BRWD1: variants seen among roughly 807,000 people sequenced by gnomAD.
BRWD1 encodes the protein bromodomain and WD repeat-containing protein 1.
A neutral mutation model predicts 251.2 loss-of-function variants in BRWD1; 82 were observed. The observed-to-expected ratio is 0.33, with a 90% CI of 0.27 to 0.39. The LOEUF (loss-of-function observed/expected upper bound fraction) is 0.39. BRWD1 is among the 10% of genes least tolerant of loss of function. The probability of loss-of-function intolerance (pLI) is 1.00; values close to 1 mark genes in which losing one functional copy is unlikely to be tolerated. For missense variants in BRWD1, 2,233 were observed against 2,711.6 expected (o/e 0.82, Z 3.92); for synonymous variants, 918 against 902.8 (o/e 1.02, Z -0.30).
At chr21:39,312,944 C>CGG in intron 3 of BRWD1, 44 bp from the exon 4 acceptor site, 2 of 622,820 alleles carry the variant, frequency 3.2e-6, no homozygotes, top group Middle Eastern at 6.3e-4. Flanking sequence ...CCCTCCGGCG[C>CGG]GGGGGGGGCG....
intron 9 of BRWD1, 41 bp from the exon 10 acceptor site, chr21:39,278,854 A>G: frequency 7.0e-7 from 1 of 1,431,232 alleles, no homozygotes; most frequent in Non-Finnish European, 9.6e-7. Flanking sequence ...AGATTATTTT[A>G]CCACATTAAC....
intron 8 of BRWD1, among the ~76,000 whole-genome samples, chr21:39,290,325 T>TA (rs2146735999): frequency 6.7e-6 from 1 of 149,974 alleles, no homozygotes; most frequent in East Asian, 2.0e-4. Flanking sequence ...CCATCTCTAC[T>TA]AAAAATACAA....
At chr21:39,213,396 G>T in intron 33 of BRWD1, 85 bp downstream of exon 33, 2 of 980,410 alleles carry the variant, frequency 2.0e-6, no homozygotes, top group Non-Finnish European at 3.1e-6. Context: ...TACAAGAGTT[G>T]GTACTACAAA....
chr21:39,242,549 C>G (rs191176271), intron 21 of BRWD1, among the ~76,000 whole-genome samples: 112 of 152,294 alleles, frequency 7.4e-4, no homozygotes, highest in Admixed American at 1.0e-3. Flanking sequence ...CTAAGATAAT[C>G]AAGGAAAGTG....
chr21:39,313,591 GC>G lies in BRWD1; in HGVS notation c.-101del, dbSNP rs1262426219. 2.2e-5 allele frequency: 6 copies of G among 275,304 alleles called. No homozygotes were observed. Among genetic ancestry groups the G allele is most frequent in the Non-Finnish European group, 3.0e-5 (6 of 202,644 alleles). 17.1% of individuals were successfully genotyped at this position (275,304 alleles called of 1,614,324 possible). A position where few individuals can be genotyped will look rare whatever the true frequency, so the allele number is the denominator to read the frequency against. On this transcript the variant is annotated 5_prime_UTR_variant, in exon 1 of 41. An upstream open reading frame in the 5' UTR loses its in-frame stop. Transcript: ENST00000342449. Reference sequence around the variant, plus strand: ...TGGCGTCCCCTCTTCTCAGGCGCGCGCCGCCGCCGCCGCCGCCGCCGCCATA... The same window carrying G: ...TGGCGTCCCCTCTTCTCAGGCGCGCGCGCCGCCGCCGCCGCCGCCGCCATA...
chr21:39,234,731 G>A (rs901588817), intron 23 of BRWD1, among the ~76,000 whole-genome samples: 51 of 152,100 alleles, frequency 3.4e-4, no homozygotes, highest in African/African-American at 1.2e-3. Context: ...AGAAAACTGG[G>A]CTAAACACGA....
chr21:39,264,427 TTA>T, intron 17 of BRWD1, 31 bp downstream of exon 17: 44 of 1,016,646 alleles, frequency 4.3e-5, no homozygotes, highest in Admixed American at 1.1e-4. Flanking sequence ...AAGTACAACT[TTA>T]AAAAAAAAAA....
chr21:39,201,409 A>G (rs11910576), intron 38 of BRWD1, among the ~76,000 whole-genome samples: 2,317 of 152,316 alleles, frequency 0.015, 57 homozygotes, highest in African/African-American at 0.053. Context: ...CTCAATAAGG[A>G]ACCCAGTTCA....
chr21:39,312,239 G>C (rs1305283702), intron 4 of BRWD1, among the ~76,000 whole-genome samples: 1 of 152,210 alleles, frequency 6.6e-6, no homozygotes, highest in Non-Finnish European at 1.5e-5. Flanking sequence ...TACAAGATCA[G>C]TGTGAAACTC....
At chr21:39,309,133 C>T (rs2036384188) in intron 4 of BRWD1, among the ~76,000 whole-genome samples, 1 of 151,988 alleles carries the variant, frequency 6.6e-6, no homozygotes, top group Non-Finnish European at 1.5e-5. Context: ...GAGATCACAC[C>T]ACTGCACTCC....
At position 39,192,228 on chromosome 21, in the gene BRWD1, A is replaced by G; in HGVS notation, c.*4031T>C. The G allele has an allele frequency of 1.0e-6, 1 of 980,680 alleles. No homozygotes were observed. The highest frequency in any genetic ancestry group is 1.2e-6 in the Non-Finnish European group (1 of 828,796). The allele number at this position is 980,680 out of a possible 1,614,324, so 60.7% of individuals were successfully genotyped here. ...GCCTTTAAAACTTAAAATCGTAAGA[A>G]AAGACAACACAGCCCTTAGCATTAC... On this transcript the variant is annotated 3_prime_UTR_variant, in exon 41 of 41. Coordinates refer to ENST00000342449, the MANE Select transcript of BRWD1 (RefSeq NM_033656.4).
upstream of BRWD1, chr21:39,315,958 C>G (rs574298291): frequency 7.9e-5 from 12 of 152,190 alleles, no homozygotes; most frequent in Non-Finnish European, 1.5e-4. Flanking sequence ...AACAGAGGGC[C>G]AAGACATGAA....
intron 13 of BRWD1, among the ~76,000 whole-genome samples, chr21:39,272,575 TTAAAC>T (rs1003222905): frequency 2.4e-4 from 36 of 151,342 alleles, no homozygotes; most frequent in African/African-American, 8.0e-4. Flanking sequence ...ATTCTTCACT[TTAAAC>T]TAAAAGGCTT....
chr21:39,275,889 G>C (rs764749996), intron 12 of BRWD1, among the ~76,000 whole-genome samples: 1 of 151,988 alleles, frequency 6.6e-6, no homozygotes, highest in Non-Finnish European at 1.5e-5. Flanking sequence ...AAAGTTAGCC[G>C]GGCACAGTGG....
Position 39,188,951 on chromosome 21 carries a change from T to C in BRWD1, c.*7308A>G, listed in dbSNP as rs1465664843. 1.0e-6 allele frequency: 1 copy of C among 985,264 alleles called. No individual in the cohort carries two copies. The highest frequency in any genetic ancestry group is 1.2e-6 in the Non-Finnish European group (1 of 829,922). 61.0% of individuals were successfully genotyped at this position (985,264 alleles called of 1,614,324 possible). ...GCATTACTCTCATGCAGCATGCCCT[T>C]ACCTCCTTCAGCTGGACTCTGTGGG... is the stretch of plus-strand genomic sequence containing the variant. On this transcript the variant is annotated 3_prime_UTR_variant, in exon 41 of 41. Transcript: ENST00000342449.
chr21:39,215,980 A>T (rs2032873629), intron 31 of BRWD1, among the ~76,000 whole-genome samples: 2 of 105,572 alleles, frequency 1.9e-5, no homozygotes, highest in South Asian at 6.5e-4. Flanking sequence ...AGCCTGGGTG[A>T]CAGAGCAAGA....
intron 8 of BRWD1, among the ~76,000 whole-genome samples, chr21:39,280,492 G>T (rs970775620): frequency 1.3e-5 from 2 of 152,072 alleles, no homozygotes; most frequent in Non-Finnish European, 2.9e-5. Flanking sequence ...ACAAGGTGGA[G>T]ATCTAGTCCT....
At chr21:39,314,138 T>G (rs1029274233), upstream of BRWD1, 41 of 455,822 alleles carry the variant, frequency 9.0e-5, no homozygotes, top group African/African-American at 7.6e-4. Flanking sequence ...GGAAGACCCC[T>G]CGCTTCGAGG....
chr21:39,197,850 A>G (rs931479755), intron 40 of BRWD1, among the ~76,000 whole-genome samples: 1 of 152,184 alleles, frequency 6.6e-6, no homozygotes, highest in Non-Finnish European at 1.5e-5. Context: ...TTCACTAAGC[A>G]ATGGAAATTT....
Sources: allele counts gnomAD v4.1 joint callset (sites outside exome capture counted in the v4.1 genomes callset), GRCh38; gene constraint gnomAD v4.1.1; transcripts MANE v1.5; gene names NCBI Gene and HGNC (gene_info 2026-07-23, HGNC 2026-07-21).